PDHX: variants seen among roughly 807,000 people sequenced by gnomAD.
The protein encoded by PDHX is pyruvate dehydrogenase protein X component, mitochondrial.
In PDHX, 33 loss-of-function variants were observed where a neutral mutation model predicts 55.3. The ratio of observed to expected loss-of-function variants is 0.60; its 90% CI spans 0.45 to 0.80. The LOEUF (loss-of-function observed/expected upper bound fraction) is 0.80, where lower values mean the gene tolerates loss of function less well. Ranked by LOEUF, PDHX falls within the 30% of genes least tolerant of loss-of-function variation. The pLI, the probability that PDHX is intolerant of heterozygous loss-of-function variation, is 0.00. For missense variants in PDHX, 622 were observed against 619.9 expected (o/e 1.00, Z -0.04); for synonymous variants, 226 against 219.4 (o/e 1.03, Z -0.27).
At chr11:34,953,826 A>G (rs533852593) in intron 3 of PDHX, among the ~76,000 whole-genome samples, 1 of 152,234 alleles carries the variant, frequency 6.6e-6, no homozygotes, top group Non-Finnish European at 1.5e-5. Flanking sequence ...AATGGGAATA[A>G]TGATAGTATT....
chr11:34,975,252 G>A (rs1284257946), intron 7 of PDHX, among the ~76,000 whole-genome samples: 2 of 151,456 alleles, frequency 1.3e-5, no homozygotes, highest in Non-Finnish European at 2.9e-5. Context: ...TTACTGTTTG[G>A]GTTTCTCTCA....
At chr11:34,976,591 G>A (rs1395759581) in intron 7 of PDHX, among the ~76,000 whole-genome samples, 1 of 152,110 alleles carries the variant, frequency 6.6e-6, no homozygotes, top group Non-Finnish European at 1.5e-5. Flanking sequence ...CTTGGAATTG[G>A]AACTGGAACT....
Position 34,983,410 on chromosome 11 carries a change from G to T in PDHX, c.1024-1160G>T, listed in dbSNP as rs545449471. ...ACCACTCCTATTCAACATAGTGTTG[G>T]AAGTTCTGGCGAGGGCAATCAGGCA... On this transcript the variant is annotated intron_variant, in intron 8 of 10. Coordinates refer to ENST00000227868, the MANE Select transcript of PDHX (RefSeq NM_003477.3). 2.3e-3 allele frequency among the ~76,000 whole-genome samples: 344 copies of T among 152,290 alleles called. 1 individual carries two copies. Among genetic ancestry groups the T allele is most frequent in the African/African-American group, 7.7e-3 (321 of 41,548 alleles).
At chr11:34,991,358 A>G (rs188944848) in intron 9 of PDHX, among the ~76,000 whole-genome samples, 10 of 152,352 alleles carry the variant, frequency 6.6e-5, no homozygotes, top group African/African-American at 2.4e-4. Flanking sequence ...GAACCAAATT[A>G]TAACACTGGG....
intron 7 of PDHX, among the ~76,000 whole-genome samples, chr11:34,976,623 C>T (rs1855381007): frequency 6.6e-6 from 1 of 152,020 alleles, no homozygotes; most frequent in Non-Finnish European, 1.5e-5. Flanking sequence ...GAGATGCCAA[C>T]ATTGAGAGGA....
chr11:34,937,038 C>A (rs1219297122), intron 2 of PDHX, among the ~76,000 whole-genome samples: 2 of 152,044 alleles, frequency 1.3e-5, no homozygotes, highest in Non-Finnish European at 2.9e-5. Flanking sequence ...CCCACCTTGG[C>A]CTCCCAAAGT....
intron 3 of PDHX, among the ~76,000 whole-genome samples, chr11:34,953,991 A>G (rs1203166505): frequency 6.6e-6 from 1 of 152,220 alleles, no homozygotes; most frequent in African/African-American, 2.4e-5. Flanking sequence ...CATTTTCAGT[A>G]TTTCTTATGT....
chr11:34,927,720 A>G (rs146398250), intron 1 of PDHX, among the ~76,000 whole-genome samples: 62 of 152,244 alleles, frequency 4.1e-4, no homozygotes, highest in African/African-American at 1.5e-3. Context: ...TCTAGCATGA[A>G]AGCCTGAGGA....
At chr11:34,988,031 C>G (rs1855687828) in intron 9 of PDHX, among the ~76,000 whole-genome samples, 1 of 152,068 alleles carries the variant, frequency 6.6e-6, no homozygotes, top group Admixed American at 6.6e-5. Flanking sequence ...CTACATCAAG[C>G]TTTGTACTAT....
At position 34,960,601 on chromosome 11, in the gene PDHX, C is replaced by A. The variant is rs2767036; in HGVS notation, c.641+83C>A. The A allele has an allele frequency of 0.66, 532,102 of 810,648 alleles. 179,531 individuals are homozygous for A. The highest frequency in any genetic ancestry group is 0.73 in the East Asian group (27,035 of 37,232). 50.2% of individuals were successfully genotyped at this position (810,648 alleles called of 1,614,324 possible). ...TGAAAGAAAATAAAAAGAGCTTATT[C>A]AGTCTTAAGATTTAAAAGGAGGTAC... On this transcript the variant is annotated intron_variant, in intron 5 of 10. Coordinates refer to ENST00000227868, the MANE Select transcript of PDHX (RefSeq NM_003477.3).
At chr11:34,973,261 G>A (rs1486235696) in intron 7 of PDHX, among the ~76,000 whole-genome samples, 2 of 152,036 alleles carry the variant, frequency 1.3e-5, no homozygotes, top group South Asian at 2.1e-4. Flanking sequence ...TCTTTGACTC[G>A]TGTTTCTATA....
chr11:34,958,115 CAT>C lies in PDHX; in HGVS notation c.542+533_542+534del, dbSNP rs774031456. Among the ~76,000 whole-genome samples, 7 of 152,162 alleles carry C rather than the reference CAT, an allele frequency of 4.6e-5. No homozygotes were observed. The East Asian group carries it at 1.3e-3, about 29-fold the overall frequency. On this transcript the variant is annotated intron_variant, in intron 4 of 10. Coordinates refer to ENST00000227868, the MANE Select transcript of PDHX (RefSeq NM_003477.3). ...TACACATCATTTCACTTTAGTTTTACATTGCTTTAATAGAAGAACTCTGTAAA... is the reference window on the plus strand; with the variant it reads ...TACACATCATTTCACTTTAGTTTTACTGCTTTAATAGAAGAACTCTGTAAA...
In PDHX at chr11:34,995,658, G is replaced by T. The variant is rs9326; in HGVS notation, c.*486G>T. On this transcript the variant is annotated 3_prime_UTR_variant, in exon 11 of 11. Transcript: ENST00000227868. The stretch of plus-strand genomic sequence containing the variant: ...CTAGATATACTTGAAGAATTTAATA[G>T]GTACAGAAGTTTATTCTGGATAATA... 127,119 of 193,506 alleles carry T rather than the reference G, an allele frequency of 0.66. 42,031 individuals are homozygous for T. Among genetic ancestry groups the T allele is most frequent in the East Asian group, 0.75 (5,379 of 7,212 alleles). The allele number at this position is 193,506 out of a possible 1,614,324, so 12.0% of individuals were successfully genotyped here.
chr11:34,916,005 C>G (rs1052520586), upstream of PDHX: 10 of 607,870 alleles, frequency 1.6e-5, no homozygotes, highest in Admixed American at 3.1e-4. Context: ...CGCCCAGCTC[C>G]CGCCATCGGA....
intron 2 of PDHX, among the ~76,000 whole-genome samples, chr11:34,941,613 CA>C (rs957545587): frequency 6.6e-6 from 1 of 152,196 alleles, no homozygotes; most frequent in African/African-American, 2.4e-5. Flanking sequence ...CACCACCACA[CA>C]CATCTTTTAC....
chr11:34,978,250 C>T (rs1444052709), intron 8 of PDHX, 68 bp downstream of exon 8: 1 of 880,546 alleles, frequency 1.1e-6, no homozygotes, highest in Non-Finnish European at 1.9e-6. Flanking sequence ...TTTACAATGA[C>T]AAATAGAACT....
Position 34,978,127 on chromosome 11 carries a change from A to T in PDHX, c.968A>T (p.Asp323Val). The change falls in exon 8 of 11, where the codon GAC (aspartate) becomes GTC (valine). Residue 323 changes from aspartate (D) to valine (V), a missense_variant. Asp to Val is a radical substitution (Grantham distance 152). Coordinates refer to ENST00000227868, the MANE Select transcript of PDHX (RefSeq NM_003477.3). Reference protein sequence around the residue: ...LKVRQDLVKDDIKVSVNDFII... With the variant: ...LKVRQDLVKDVIKVSVNDFII... ...ACTAACCTTATTTTTCTTTCAGATGACATTAAAGTATCAGTAAATGATTTT... is the reference window on the plus strand; with the variant it reads ...ACTAACCTTATTTTTCTTTCAGATGTCATTAAAGTATCAGTAAATGATTTT... 6.5e-7 allele frequency: 1 copy of T among 1,533,428 alleles called. No homozygotes were observed. The highest frequency in any genetic ancestry group is 9.0e-7 in the Non-Finnish European group (1 of 1,107,460). 95.0% of individuals were successfully genotyped at this position (1,533,428 alleles called of 1,614,324 possible).
chr11:34,930,824 A>T (rs1339761789), intron 1 of PDHX, among the ~76,000 whole-genome samples: 1 of 152,234 alleles, frequency 6.6e-6, no homozygotes, highest in African/African-American at 2.4e-5. Context: ...AACCATTTAA[A>T]TTCTGATCAT....
intron 7 of PDHX, among the ~76,000 whole-genome samples, chr11:34,975,493 C>G (rs1218816797): frequency 2.6e-5 from 4 of 152,082 alleles, no homozygotes; most frequent in Admixed American, 2.6e-4. Flanking sequence ...TCACTGATTT[C>G]TTAGCTGTGT....
Sources: allele counts gnomAD v4.1 joint callset (sites outside exome capture counted in the v4.1 genomes callset), GRCh38; gene constraint gnomAD v4.1.1; transcripts MANE v1.5; gene names NCBI Gene and HGNC (gene_info 2026-07-23, HGNC 2026-07-21).